The following LRRC37A2 variants were observed in gnomAD, a reference collection of about 807,000 sequenced individuals.
The protein encoded by LRRC37A2 is leucine-rich repeat-containing protein 37A2.
LRRC37A2 carries 9 observed loss-of-function variants against 68.8 expected under a neutral mutation model. The observed-to-expected ratio is 0.13, with a 90% CI of 0.08 to 0.23. The LOEUF is 0.23. Among genes scored for constraint, LRRC37A2 ranks in the 10% least tolerant of loss-of-function variants. LRRC37A2 has a pLI of 1.00. For missense variants in LRRC37A2, 168 were observed against 950.4 expected, an observed-to-expected ratio of 0.18 and a Z score of 10.82; for synonymous variants, 63 against 367.6, an observed-to-expected ratio of 0.17 and a Z score of 9.48.
At chr17:46,957,980 T>C in the LRRC37A2 span, among the ~76,000 whole-genome samples, 2 of 152,174 alleles carry the variant, frequency 1.3e-5, no homozygotes, top group Non-Finnish European at 2.9e-5. Flanking sequence ...GACTCCTAAC[T>C]TTGAGAGTTG....
chr17:46,533,422 C>T (rs1167421264), intron 6 of LRRC37A2, among the ~76,000 whole-genome samples: 3 of 129,048 alleles, frequency 2.3e-5, no homozygotes, highest in East Asian at 4.4e-4. Context: ...CTGTTATTGT[C>T]ACACATTACA....
At chr17:46,684,605 A>G in the LRRC37A2 span, among the ~76,000 whole-genome samples, 23,247 of 152,030 alleles carry the variant, frequency 0.15, 3,495 homozygotes, top group East Asian at 0.61. Context: ...CCACACATCT[A>G]CAACCATCTG....
the LRRC37A2 span, among the ~76,000 whole-genome samples, chr17:46,730,742 A>T: frequency 6.6e-6 from 1 of 152,164 alleles, no homozygotes; most frequent in Non-Finnish European, 1.5e-5. Flanking sequence ...TTTAGACAGG[A>T]TATGATAAGA....
At chr17:46,894,728 C>T in the LRRC37A2 span, among the ~76,000 whole-genome samples, 8 of 152,182 alleles carry the variant, frequency 5.3e-5, 1 homozygote, top group South Asian at 6.3e-4. Flanking sequence ...CCCCACCTGG[C>T]GTTTAATCTT....
At chr17:47,018,440 C>T in the LRRC37A2 span, 10 of 1,563,440 alleles carry the variant, frequency 6.4e-6, no homozygotes, top group African/African-American at 2.7e-5. Context: ...AGCCTCCAGA[C>T]GTGCAGCTCA....
the LRRC37A2 span, chr17:46,755,892 C>A: frequency 1.4e-6 from 2 of 1,479,956 alleles, no homozygotes; most frequent in Non-Finnish European, 1.9e-6. Flanking sequence ...AGGATCTTCA[C>A]TGTCTTACTC....
chr17:47,033,351 C>G, the LRRC37A2 span: 3 of 698,552 alleles, frequency 4.3e-6, 1 homozygote, highest in Middle Eastern at 7.3e-4. Context: ...TATGGAGGAG[C>G]TTGGTGTGGG....
At chr17:46,722,551 T>A in the LRRC37A2 span, among the ~76,000 whole-genome samples, 2 of 152,166 alleles carry the variant, frequency 1.3e-5, no homozygotes, top group Admixed American at 1.3e-4. Context: ...CTCACTTGGA[T>A]TTTCCTGTGG....
At chr17:46,906,069 G>A in the LRRC37A2 span, among the ~76,000 whole-genome samples, 1 of 152,130 alleles carries the variant, frequency 6.6e-6, no homozygotes, top group Admixed American at 6.5e-5. Flanking sequence ...GGGTGGTTAC[G>A]AATGTGTTCC....
chr17:46,895,684 C>G, the LRRC37A2 span, among the ~76,000 whole-genome samples: 1 of 152,204 alleles, frequency 6.6e-6, no homozygotes, highest in African/African-American at 2.4e-5. Context: ...TTAACCAGTC[C>G]TCACAGCAAC....
chr17:47,017,348 C>G, the LRRC37A2 span: 2 of 1,585,560 alleles, frequency 1.3e-6, no homozygotes, highest in Non-Finnish European at 8.6e-7. Context: ...TGACCTCTAA[C>G]CCCCTGGGGC....
chr17:46,526,440 C>A (rs1334582319), intron 6 of LRRC37A2, among the ~76,000 whole-genome samples: 1 of 103,146 alleles, frequency 9.7e-6, no homozygotes, highest in Admixed American at 8.9e-5. Context: ...TAGAGCCTAA[C>A]CTTCCAGGCT....
At chr17:47,007,212 C>T in the LRRC37A2 span, among the ~76,000 whole-genome samples, 1 of 152,154 alleles carries the variant, frequency 6.6e-6, no homozygotes. Context: ...GAGTCTTGCT[C>T]TGTTGCCGAG....
the LRRC37A2 span, among the ~76,000 whole-genome samples, chr17:46,943,779 T>C: frequency 6.6e-6 from 1 of 152,188 alleles, no homozygotes; most frequent in African/African-American, 2.4e-5. Flanking sequence ...CAGCAATGAC[T>C]GCAGTAAAAG....
the LRRC37A2 span, among the ~76,000 whole-genome samples, chr17:46,777,310 T>C: frequency 6.6e-6 from 1 of 152,196 alleles, no homozygotes; most frequent in African/African-American, 2.4e-5. Flanking sequence ...CCGGCTGGCT[T>C]GGGGGACTGA....
the LRRC37A2 span, among the ~76,000 whole-genome samples, chr17:46,981,164 G>A: frequency 1.3e-5 from 2 of 152,336 alleles, no homozygotes; most frequent in East Asian, 3.9e-4. Context: ...GGGAGACAAG[G>A]GGATGGAAAG....
chr17:46,744,623 A>G, the LRRC37A2 span, among the ~76,000 whole-genome samples: 1 of 151,574 alleles, frequency 6.6e-6, no homozygotes, highest in South Asian at 2.1e-4. Context: ...TATTTAGGGA[A>G]AAAAAAAAGC....
the LRRC37A2 span, among the ~76,000 whole-genome samples, chr17:46,896,434 GAAAGAAAGAAAGAAAGAA>G: frequency 0.016 from 1,695 of 103,882 alleles, 56 homozygotes; most frequent in African/African-American, 0.095. Context: ...AAGAAAGAAA[GAAAGAAAGAAAGAAAGAA>G]AAAGAAAGAA....
At chr17:46,956,079 G>T in the LRRC37A2 span, among the ~76,000 whole-genome samples, 1 of 152,214 alleles carries the variant, frequency 6.6e-6, no homozygotes, top group South Asian at 2.1e-4. Flanking sequence ...ATGGAGAGTG[G>T]GAGGAAGAAG....
Sources: allele counts gnomAD v4.1 joint callset (sites outside exome capture counted in the v4.1 genomes callset), GRCh38; gene constraint gnomAD v4.1.1; transcripts MANE v1.5; gene names NCBI Gene and HGNC (gene_info 2026-07-23, HGNC 2026-07-21).